The following FHIT variants were observed in gnomAD, a reference collection of about 807,000 sequenced individuals.
FHIT encodes the protein fragile histidine triad diadenosine triphosphatase.
FHIT carries 19 observed loss-of-function variants against 17.9 expected under a neutral mutation model. The ratio of observed to expected loss-of-function variants is 1.06; its 90% CI spans 0.74 to 1.56. The LOEUF is 1.56. Among genes scored for constraint, FHIT ranks in the 40% most tolerant of loss-of-function variants. The pLI is 0.00. For synonymous variants in FHIT, 81 were observed against 69.7 expected, an observed-to-expected ratio of 1.16 and a Z score of -0.81; for missense variants, 248 against 189.2, an observed-to-expected ratio of 1.31 and a Z score of -1.82.
At chr3:60,239,856 T>C (rs1415421941) in intron 5 of FHIT, among the ~76,000 whole-genome samples, 2 of 152,170 alleles carry the variant, frequency 1.3e-5, no homozygotes, top group Admixed American at 6.5e-5. Flanking sequence ...AATCTATAGA[T>C]ACAGCATCTA....
intron 5 of FHIT, among the ~76,000 whole-genome samples, chr3:60,117,508 A>AT (rs1487069618): frequency 1.3e-5 from 2 of 150,948 alleles, no homozygotes; most frequent in African/African-American, 4.8e-5. Context: ...AAAAAAAAAA[A>AT]AAAAAAAAAA....
chr3:60,781,520 G>T (rs1553725697), intron 4 of FHIT, among the ~76,000 whole-genome samples: 1 of 152,100 alleles, frequency 6.6e-6, no homozygotes, highest in Non-Finnish European at 1.5e-5. Context: ...TGAATCACTG[G>T]AAATGGTCCC....
intron 5 of FHIT, among the ~76,000 whole-genome samples, chr3:60,168,601 A>G (rs755669834): frequency 1.3e-5 from 2 of 152,320 alleles, no homozygotes; most frequent in African/African-American, 2.4e-5. Flanking sequence ...CCAGTAATTC[A>G]TATGGGTTGA....
chr3:60,717,160 T>C (rs1327736296), intron 4 of FHIT, among the ~76,000 whole-genome samples: 2 of 151,886 alleles, frequency 1.3e-5, no homozygotes, highest in African/African-American at 4.8e-5. Flanking sequence ...AGGAAAAAAA[T>C]GGGGAGGTGT....
At chr3:60,810,347 A>T (rs1293356236) in intron 4 of FHIT, among the ~76,000 whole-genome samples, 1 of 152,158 alleles carries the variant, frequency 6.6e-6, no homozygotes, top group Non-Finnish European at 1.5e-5. Flanking sequence ...TTAAAAGCAA[A>T]CTGAAATATT....
chr3:61,216,019 A>T (rs1300013308), intron 1 of FHIT, among the ~76,000 whole-genome samples: 1 of 152,182 alleles, frequency 6.6e-6, no homozygotes, highest in Admixed American at 6.5e-5. Flanking sequence ...CTTAAACATT[A>T]GACCTAAAAC....
chr3:59,769,669 A>T (rs1701978522), intron 8 of FHIT, among the ~76,000 whole-genome samples: 1 of 152,168 alleles, frequency 6.6e-6, no homozygotes, highest in Non-Finnish European at 1.5e-5. Flanking sequence ...ACGGAACGGC[A>T]GACTTTGCTG....
At chr3:61,230,315 C>A (rs1454325811) in intron 1 of FHIT, among the ~76,000 whole-genome samples, 2 of 152,090 alleles carry the variant, frequency 1.3e-5, no homozygotes, top group African/African-American at 2.4e-5. Flanking sequence ...TGAGTGAGTT[C>A]TTGTGAGATC....
At chr3:60,296,886 A>G (rs1452516974) in intron 5 of FHIT, among the ~76,000 whole-genome samples, 1 of 148,640 alleles carries the variant, frequency 6.7e-6, no homozygotes, top group Non-Finnish European at 1.5e-5. Context: ...TGAAAAGTCT[A>G]TTCTTTCTCT....
At chr3:60,258,212 G>C (rs1488469604) in intron 5 of FHIT, among the ~76,000 whole-genome samples, 1 of 152,000 alleles carries the variant, frequency 6.6e-6, no homozygotes, top group Non-Finnish European at 1.5e-5. Flanking sequence ...CAGGTGACTA[G>C]TCTGTGGTGT....
chr3:60,181,222 T>G (rs1701918551), intron 5 of FHIT, among the ~76,000 whole-genome samples: 1 of 149,744 alleles, frequency 6.7e-6, no homozygotes, highest in Admixed American at 6.8e-5. Flanking sequence ...CTTGGCTCAC[T>G]ACAACCTCTG....
intron 3 of FHIT, among the ~76,000 whole-genome samples, chr3:61,041,668 A>C (rs1232691804): frequency 6.6e-6 from 1 of 151,272 alleles, no homozygotes; most frequent in Non-Finnish European, 1.5e-5. Flanking sequence ...TGATTCCACA[A>C]TTTAAAAAAT....
At chr3:60,680,894 T>C (rs1553696707) in intron 4 of FHIT, among the ~76,000 whole-genome samples, 1 of 152,162 alleles carries the variant, frequency 6.6e-6, no homozygotes, top group Non-Finnish European at 1.5e-5. Flanking sequence ...GAGAAAACAC[T>C]GAAGACAATT....
chr3:60,991,042 GAA>G (rs2030162184), intron 3 of FHIT, among the ~76,000 whole-genome samples: 2 of 152,076 alleles, frequency 1.3e-5, no homozygotes, highest in Admixed American at 6.6e-5. Context: ...TAAGTGTTGG[GAA>G]AAAAATAAAG....
At position 59,747,728 on chromosome 3, in the gene FHIT, G is replaced by T. The variant is rs942740262; in HGVS notation, c.*1857C>A. On this transcript the variant is annotated 3_prime_UTR_variant, in exon 10 of 10. Transcript: ENST00000492590. ...GCAAGCACTGAGATTTGACCCATCA[G>T]CCCTAGGGAAGCTGACTCTTTGGTT... Among the ~76,000 whole-genome samples, 6 of 151,988 alleles carry T rather than the reference G, an allele frequency of 3.9e-5. No individual in the cohort carries two copies. Among genetic ancestry groups the T allele is most frequent in the Admixed American group, 1.3e-4 (2 of 15,254 alleles).
intron 8 of FHIT, among the ~76,000 whole-genome samples, chr3:59,790,496 CTCTCTCTCTT>C (rs1388784570): frequency 1.4e-5 from 2 of 145,918 alleles, no homozygotes. Flanking sequence ...TTGCTTCTCT[CTCTCTCTCTT>C]TCTCTCTCTC....
intron 3 of FHIT, among the ~76,000 whole-genome samples, chr3:60,930,433 T>A (rs1445182515): frequency 2.0e-5 from 3 of 152,162 alleles, no homozygotes; most frequent in Non-Finnish European, 4.4e-5. Context: ...ACAGGCAACC[T>A]ACAGAATGGG....
At chr3:60,449,327 A>T (rs2031561435) in intron 5 of FHIT, among the ~76,000 whole-genome samples, 1 of 152,094 alleles carries the variant, frequency 6.6e-6, no homozygotes, top group South Asian at 2.1e-4. Flanking sequence ...TGTAAGCCTC[A>T]GCTTCCTTCT....
intron 8 of FHIT, among the ~76,000 whole-genome samples, chr3:59,825,318 G>A (rs1018880116): frequency 2.0e-5 from 3 of 152,052 alleles, no homozygotes; most frequent in Non-Finnish European, 4.4e-5. Context: ...CTTTTTTATG[G>A]ATGTTTCTTT....
Sources: gnomAD v4.1 joint callset for allele counts (sites outside exome capture counted in the v4.1 genomes callset) on GRCh38, gnomAD v4.1.1 for gene constraint, MANE v1.5 for transcripts, NCBI Gene and HGNC (gene_info 2026-07-23, HGNC 2026-07-21) for gene names.